CELF2: variants seen among roughly 807,000 people sequenced by gnomAD.
CELF2 encodes CUG triplet repeat RNA-binding protein 2.
Under a neutral mutation model 62.6 loss-of-function variants are expected in CELF2, and 8 were observed. The observed-to-expected ratio is 0.13, with a 90% CI of 0.07 to 0.23. CELF2 has a LOEUF of 0.23. Ranked by LOEUF, CELF2 falls within the 10% of genes least tolerant of loss-of-function variation. The pLI is 1.00. For missense variants in CELF2, 333 were observed against 671.0 expected (o/e 0.50, Z 5.56); for synonymous variants, 258 against 250.0 (o/e 1.03, Z -0.30).
chr10:11,122,074 G>A (rs56862616), intron 1 of CELF2, among the ~76,000 whole-genome samples: 10,606 of 152,272 alleles, frequency 0.07, 449 homozygotes, highest in African/African-American at 0.1. Context: ...AGGCATCTCT[G>A]GCAAATCTTG....
In CELF2 at chr10:11,268,232, TA is replaced by T. The variant is rs891240483; in HGVS notation, c.618+1561del. ...GAAACTGCTGTTAGGGGCAAAAAAA[TA>T]AAAAAGAAAACTCTTTACTTGTATT... On this transcript the variant is annotated intron_variant, in intron 6 of 12. Coordinates refer to ENST00000633077, the MANE Select transcript of CELF2 (RefSeq NM_001326342.2). This position sits in a 1 kb window ranked among gnomAD's most constrained non-coding sequence, Gnocchi z 4.7. Among the ~76,000 whole-genome samples, 1 of 152,122 alleles carries T rather than the reference TA, an allele frequency of 6.6e-6. No individual in the cohort carries two copies. The highest frequency in any genetic ancestry group is 1.5e-5 in the Non-Finnish European group (1 of 68,002).
intron 2 of CELF2, among the ~76,000 whole-genome samples, chr10:10,949,658 A>G (rs955021514): frequency 1.3e-5 from 2 of 151,656 alleles, no homozygotes; most frequent in Non-Finnish European, 2.9e-5. Flanking sequence ...AAAATTAGCC[A>G]GGCTTGGTGG....
At position 11,145,030 on chromosome 10, in the gene CELF2, T is replaced by C. The variant is rs190887476; in HGVS notation, c.75-20456T>C. Among the ~76,000 whole-genome samples, 11 of 152,168 alleles carry C rather than the reference T, an allele frequency of 7.2e-5. No homozygotes were observed. In the East Asian group the frequency reaches 2.1e-3, roughly 29 times the overall value. ...TCGAAGGCAAGGCAGCTTAATAGAA[T>C]TTGAATATAACTAAATCCATCCACT... On this transcript the variant is annotated intron_variant, in intron 1 of 12. Coordinates refer to ENST00000633077, the MANE Select transcript of CELF2 (RefSeq NM_001326342.2). The surrounding 1 kb of genome is among the most constrained non-coding windows in gnomAD (Gnocchi z 4.3).
At position 10,890,876 on chromosome 10, in the gene CELF2, G is replaced by A. The variant is rs146817962; in HGVS notation, c.54-29088G>A. ...CTAAAAATACAAAAATTAGCTGGGC[G>A]TGGTGGCAGGTGCCTATAATTCCAG... On this transcript the variant is annotated intron_variant, in intron 1 of 13. Coordinates refer to the CELF2 transcript ENST00000636488. 9.1e-3 allele frequency among the ~76,000 whole-genome samples: 1,381 copies of A among 152,276 alleles called. 12 individuals are homozygous for A. Among genetic ancestry groups the A allele is most frequent in the Admixed American group, 0.02 (300 of 15,304 alleles).
chr10:11,286,725 A>G (rs2091413992), intron 8 of CELF2, among the ~76,000 whole-genome samples: 1 of 152,212 alleles, frequency 6.6e-6, no homozygotes, highest in African/African-American at 2.4e-5. Flanking sequence ...TCTTTTGATT[A>G]TGTTCACTTG....
At chr10:10,704,237 A>G in the CELF2 span, among the ~76,000 whole-genome samples, 4 of 152,210 alleles carry the variant, frequency 2.6e-5, no homozygotes, top group African/African-American at 9.6e-5. Context: ...TTTATCATAG[A>G]CTGTTAAGTC....
rs1443217853 is a variant in CELF2 at position 11,075,210 on chromosome 10, C to G, written c.74+57047C>G. The G allele has an allele frequency of 1.3e-5, 2 of 152,240 alleles. No homozygotes were observed. The highest frequency in any genetic ancestry group is 2.4e-5 in the African/African-American group (1 of 41,458). The allele number at this position is 152,240 out of a possible 1,614,324, so 9.4% of individuals were successfully genotyped here. ...GATAAAGGCATGGAGTTGCCCCACTCTGTGGCTCCTTCATTTGTAAGGGAT... is the reference window on the plus strand; with the variant it reads ...GATAAAGGCATGGAGTTGCCCCACTGTGTGGCTCCTTCATTTGTAAGGGAT... On this transcript the variant is annotated intron_variant, in intron 1 of 12. Coordinates refer to ENST00000633077, the MANE Select transcript of CELF2 (RefSeq NM_001326342.2). This position sits in a 1 kb window ranked among gnomAD's most constrained non-coding sequence, Gnocchi z 5.4.
At chr10:11,049,970 CCATGCCACCTGCTGGTTCCA>C (rs966041100) in intron 1 of CELF2, among the ~76,000 whole-genome samples, 1 of 152,186 alleles carries the variant, frequency 6.6e-6, no homozygotes, top group Non-Finnish European at 1.5e-5. Flanking sequence ...TGCTGGTTCC[CCATGCCACCTGCTGGTTCCA>C]CATGCCACCT....
At chr10:10,814,465 A>T (rs1049386516) in intron 1 of CELF2, among the ~76,000 whole-genome samples, 1 of 152,166 alleles carries the variant, frequency 6.6e-6, no homozygotes, top group African/African-American at 2.4e-5. Context: ...CATGGCTTGG[A>T]TGCTAGATTG....
intron 1 of CELF2, among the ~76,000 whole-genome samples, chr10:10,879,460 TC>T (rs1169823231): frequency 1.3e-5 from 2 of 152,182 alleles, no homozygotes; most frequent in African/African-American, 4.8e-5. Context: ...GTTGCAAAGC[TC>T]ACATTTGAAG....
the CELF2 span, among the ~76,000 whole-genome samples, chr10:10,687,685 G>T: frequency 7.0e-3 from 1,069 of 152,198 alleles, 4 homozygotes; most frequent in Non-Finnish European, 8.2e-3. Context: ...ATCATTATAA[G>T]CATGAAAAAG....
chr10:11,333,382 T>A lies in CELF2; in HGVS notation c.*4329T>A, dbSNP rs2096064948. On this transcript the variant is annotated 3_prime_UTR_variant, in exon 13 of 13. Coordinates refer to ENST00000633077, the MANE Select transcript of CELF2 (RefSeq NM_001326342.2). ...GGAAACCGCTTTTTTTAATCAATTGTAGAGAATAGTCATTTTTAATCTAAA... is the reference window on the plus strand; with the variant it reads ...GGAAACCGCTTTTTTTAATCAATTGAAGAGAATAGTCATTTTTAATCTAAA... 6.6e-6 allele frequency: 1 copy of A among 152,632 alleles called. No homozygotes were observed. The highest frequency in any genetic ancestry group is 6.5e-5 in the Admixed American group (1 of 15,292). The allele number at this position is 152,632 out of a possible 1,614,324, so 9.5% of individuals were successfully genotyped here. A position where few individuals can be genotyped will look rare whatever the true frequency, so the allele number is the denominator to read the frequency against.
intron 9 of CELF2, among the ~76,000 whole-genome samples, chr10:11,307,305 C>G (rs1347138066): frequency 2.0e-5 from 3 of 152,236 alleles, no homozygotes; most frequent in Non-Finnish European, 4.4e-5. Context: ...GTGTGGACAT[C>G]ATAGGAAGAG....
At chr10:10,753,054 C>A in the CELF2 span, among the ~76,000 whole-genome samples, 1 of 152,126 alleles carries the variant, frequency 6.6e-6, no homozygotes, top group Admixed American at 6.5e-5. Context: ...TGCAACTACC[C>A]TTTTTAATTT....
chr10:10,780,997 A>G, the CELF2 span, among the ~76,000 whole-genome samples: 1 of 151,964 alleles, frequency 6.6e-6, no homozygotes, highest in African/African-American at 2.4e-5. Flanking sequence ...AAAACATTCT[A>G]CTCTTTTTGA....
rs1269484292 is a variant in CELF2, at chr10:10,931,250, T to C, written c.89+11251T>C. 6.6e-6 allele frequency among the ~76,000 whole-genome samples: 1 copy of C among 152,108 alleles called. No individual in the cohort carries two copies. Among genetic ancestry groups the C allele is most frequent in the African/African-American group, 2.4e-5 (1 of 41,400 alleles). The stretch of plus-strand genomic sequence containing the variant: ...ATTTTTCAAATAAGCAACATTAGAC[T>C]CACAAAACACTATATAAAACCAAGC... On this transcript the variant is annotated intron_variant, in intron 2 of 13. Coordinates refer to the CELF2 transcript ENST00000636488. This position sits in a 1 kb window ranked among gnomAD's most constrained non-coding sequence, Gnocchi z 6.1.
At chr10:10,808,541 G>A (rs978262723) in intron 1 of CELF2, among the ~76,000 whole-genome samples, 13 of 152,086 alleles carry the variant, frequency 8.5e-5, no homozygotes, top group Non-Finnish European at 1.9e-4. Flanking sequence ...TATGTCAAAA[G>A]GTTCGATTAC....
chr10:10,576,950 C>G, the CELF2 span, among the ~76,000 whole-genome samples: 1 of 152,190 alleles, frequency 6.6e-6, no homozygotes, highest in Admixed American at 6.5e-5. Context: ...TATTCTACCC[C>G]CAGAGGGGTT....
chr10:11,126,446 A>G (rs1448043428), intron 1 of CELF2, among the ~76,000 whole-genome samples: 1 of 152,232 alleles, frequency 6.6e-6, no homozygotes, highest in Admixed American at 6.5e-5. Flanking sequence ...CGTTTTCAAG[A>G]TGGCATTCGT....
Sources: allele counts gnomAD v4.1 joint callset (sites outside exome capture counted in the v4.1 genomes callset), GRCh38; gene constraint gnomAD v4.1.1; non-coding constraint Gnocchi (gnomAD v3.1); transcripts MANE v1.5; gene names NCBI Gene and HGNC (gene_info 2026-07-23, HGNC 2026-07-21).